Variants in VPS41 observed in about 807,000 individuals in gnomAD.
VPS41 encodes the protein VPS41 subunit of HOPS complex.
Under a neutral mutation model 130.9 loss-of-function variants are expected in VPS41, and 85 were observed. That is an observed-to-expected ratio of 0.65 (90% CI 0.55 to 0.78). VPS41 has a LOEUF of 0.78. Ranked by LOEUF, VPS41 falls within the 30% of genes least tolerant of loss-of-function variation. The probability of loss-of-function intolerance (pLI) is 0.00; values close to 1 mark genes in which losing one functional copy is unlikely to be tolerated. For missense variants in VPS41, 874 were observed against 1,018.7 expected, an observed-to-expected ratio of 0.86 and a Z score of 1.93; for synonymous variants, 335 against 332.9, an observed-to-expected ratio of 1.01 and a Z score of -0.07.
chr7:38,796,708 T>C, intron 8 of VPS41, 37 bp downstream of exon 8: 1 of 1,612,742 alleles, frequency 6.2e-7, no homozygotes, highest in Non-Finnish European at 8.5e-7. Context: ...CTTCTGCCAC[T>C]GAACAAGCAT....
At chr7:38,759,288 G>A (rs1783866385) in intron 17 of VPS41, among the ~76,000 whole-genome samples, 1 of 152,182 alleles carries the variant, frequency 6.6e-6, no homozygotes, top group Non-Finnish European at 1.5e-5. Context: ...GGTGTCCACT[G>A]CAGAACTAAT....
At chr7:38,750,474 A>G (rs1783647767) in intron 22 of VPS41, among the ~76,000 whole-genome samples, 1 of 152,200 alleles carries the variant, frequency 6.6e-6, no homozygotes, top group Admixed American at 6.5e-5. Flanking sequence ...GGGACACGAG[A>G]TAAATTTTTA....
intron 9 of VPS41, among the ~76,000 whole-genome samples, chr7:38,791,494 C>T (rs527818378): frequency 2.0e-5 from 3 of 152,136 alleles, no homozygotes; most frequent in African/African-American, 7.2e-5. Context: ...GGGGGAGACA[C>T]AAAAATAAGG....
chr7:38,782,669 G>A (rs1372391672), intron 10 of VPS41, among the ~76,000 whole-genome samples: 1 of 152,200 alleles, frequency 6.6e-6, no homozygotes, highest in Non-Finnish European at 1.5e-5. Flanking sequence ...GTCAGGGTTA[G>A]AGTCACAAAT....
chr7:38,838,132 G>A (rs908771585), intron 4 of VPS41, among the ~76,000 whole-genome samples: 5 of 151,896 alleles, frequency 3.3e-5, no homozygotes, highest in African/African-American at 1.2e-4. Context: ...CATGCAACTA[G>A]CCTGGCATCC....
intron 5 of VPS41, among the ~76,000 whole-genome samples, chr7:38,829,780 C>T (rs1785352089): frequency 6.6e-6 from 1 of 152,208 alleles, no homozygotes; most frequent in Non-Finnish European, 1.5e-5. Flanking sequence ...TTGTAAGACA[C>T]TTTATTCTTC....
chr7:38,868,634 G>A (rs767939091), intron 3 of VPS41, among the ~76,000 whole-genome samples: 4 of 152,146 alleles, frequency 2.6e-5, no homozygotes, highest in Non-Finnish European at 5.9e-5. Context: ...GTTGGTGAGA[G>A]CTTTGTTACG....
chr7:38,865,792 A>C (rs1336337571), intron 3 of VPS41, among the ~76,000 whole-genome samples: 1 of 152,182 alleles, frequency 6.6e-6, no homozygotes, highest in East Asian at 1.9e-4. Flanking sequence ...GAGACAGGTG[A>C]TAAGGTTGGA....
intron 24 of VPS41, among the ~76,000 whole-genome samples, chr7:38,742,824 T>C (rs974233341): frequency 6.6e-6 from 1 of 150,490 alleles, no homozygotes; most frequent in Admixed American, 6.6e-5. Flanking sequence ...TTCAAAAGAG[T>C]TGGGTTTCTG....
At chr7:38,812,920 A>C (rs577772770) in intron 7 of VPS41, among the ~76,000 whole-genome samples, 1 of 152,308 alleles carries the variant, frequency 6.6e-6, no homozygotes, top group Non-Finnish European at 1.5e-5. Context: ...TAAAACCCTC[A>C]TATATTTCTG....
chr7:38,808,268 C>A (rs372728278), intron 7 of VPS41, among the ~76,000 whole-genome samples: 1 of 152,180 alleles, frequency 6.6e-6, no homozygotes, highest in South Asian at 2.1e-4. Flanking sequence ...CATTATATTT[C>A]TATTTTTAGC....
intron 10 of VPS41, among the ~76,000 whole-genome samples, chr7:38,779,037 C>G (rs1009255967): frequency 3.9e-5 from 6 of 152,152 alleles, no homozygotes; most frequent in African/African-American, 1.4e-4. Context: ...ATAGAAACTC[C>G]AATGTGTTCT....
rs769998161 is a variant in VPS41 at position 38,776,748 on chromosome 7, G to A, written c.813C>T (p.Ile271=). The change falls in exon 11 of 29, where the codon ATC becomes ATT. Residue 271 remains isoleucine (I), a synonymous_variant. Transcript: ENST00000310301. ...IVSQFETEFY[I]SGLAPLCDQL... ...GATCACAGAGAGGTGCAAGTCCACT[G>A]ATGTAGAATTCAGTTTCAAACTGAG... 6.2e-6 allele frequency: 10 copies of A among 1,611,068 alleles called. No homozygotes were observed. The highest frequency in any genetic ancestry group is 2.7e-5 in the African/African-American group (2 of 74,832).
chr7:38,789,329 A>C (rs1475884400), intron 10 of VPS41, among the ~76,000 whole-genome samples: 1 of 152,176 alleles, frequency 6.6e-6, no homozygotes, highest in Admixed American at 6.6e-5. Context: ...GCAGTGCTGT[A>C]GTGCCTAAAA....
In VPS41 at chr7:38,757,653, T is replaced by C. The variant is rs756134175; in HGVS notation, c.1551-671A>G. ...CGTCCAGAGTTCTAGGTCATTTTGG[T>C]ATACCTTTTTTGGTTTTGGGCAAAA... is the stretch of plus-strand genomic sequence containing the variant. On this transcript the variant is annotated intron_variant, in intron 18 of 28. Transcript: ENST00000310301. Among the ~76,000 whole-genome samples the C allele has an allele frequency of 9.2e-5, 14 of 152,200 alleles. No individual in the cohort carries two copies. In the East Asian group the frequency reaches 2.7e-3, roughly 29 times the overall value.
At chr7:38,898,868 A>C (rs951214704) in intron 1 of VPS41, among the ~76,000 whole-genome samples, 1 of 152,258 alleles carries the variant, frequency 6.6e-6, no homozygotes, top group Non-Finnish European at 1.5e-5. Context: ...GTACTTATAG[A>C]TATCAATAGC....
intron 27 of VPS41, among the ~76,000 whole-genome samples, chr7:38,727,441 C>A (rs1584357478): frequency 6.6e-6 from 1 of 152,328 alleles, no homozygotes; most frequent in Non-Finnish European, 1.5e-5. Context: ...TTTTACTGCA[C>A]TTGTGCTTGG....
chr7:38,795,747 A>C, intron 8 of VPS41, 136 bp from the exon 9 acceptor site: 1 of 730,704 alleles, frequency 1.4e-6, no homozygotes, highest in Non-Finnish European at 2.1e-6. Flanking sequence ...TGCAAGGAAA[A>C]TGCTCCTGCT....
rs560248081 is a variant in VPS41 at position 38,801,511 on chromosome 7, T to C, written c.451-4647A>G. On this transcript the variant is annotated intron_variant, in intron 7 of 28. Coordinates refer to ENST00000310301, the MANE Select transcript of VPS41 (RefSeq NM_014396.4). Reference sequence around the variant, plus strand: ...TAAATAAAGTAGGTCATCATAAACATACTAAGGAAATACTAAATAAAGTAG... The same window carrying C: ...TAAATAAAGTAGGTCATCATAAACACACTAAGGAAATACTAAATAAAGTAG... Among the ~76,000 whole-genome samples the C allele has an allele frequency of 3.3e-5, 5 of 152,292 alleles. No homozygotes were observed. The South Asian group carries it at 1.0e-3, about 32-fold the overall frequency.
Sources: allele counts gnomAD v4.1 joint callset (sites outside exome capture counted in the v4.1 genomes callset), GRCh38; gene constraint gnomAD v4.1.1; transcripts MANE v1.5; gene names NCBI Gene and HGNC (gene_info 2026-07-23, HGNC 2026-07-21).